The following RAPGEF6 variants were observed in gnomAD, a reference collection of about 807,000 sequenced individuals.
RAPGEF6 encodes Rap guanine nucleotide exchange factor 6, also known as PDZ domain containing guanine nucleotide exchange factor (GEF) 2.
A neutral mutation model predicts 171.4 loss-of-function variants in RAPGEF6; 56 were observed. The observed-to-expected ratio is 0.33, with a 90% CI of 0.26 to 0.41. The LOEUF (loss-of-function observed/expected upper bound fraction) is 0.41. RAPGEF6 is among the 10% of genes least tolerant of loss of function. RAPGEF6 has a pLI of 1.00. For synonymous variants in RAPGEF6, 692 were observed against 650.1 expected, an observed-to-expected ratio of 1.06 and a Z score of -0.98; for missense variants, 1,674 against 1,921.4, an observed-to-expected ratio of 0.87 and a Z score of 2.41.
chr5:131,442,585 G>T (rs1752456972), intron 22 of RAPGEF6, 48 bp from the exon 23 acceptor site: 2 of 1,596,406 alleles, frequency 1.3e-6, no homozygotes, highest in East Asian at 4.5e-5. Context: ...TTTAGGCAAG[G>T]TTATCACCAC....
At chr5:131,597,802 A>T (rs1273577411) in intron 3 of RAPGEF6, among the ~76,000 whole-genome samples, 2 of 152,184 alleles carry the variant, frequency 1.3e-5, no homozygotes, top group Non-Finnish European at 2.9e-5. Context: ...GCACAGTAGG[A>T]TTATTATGGT....
rs36091456 is a variant in RAPGEF6, at chr5:131,517,780, TACACACACACAC to T, written c.627+3598_627+3609del. Among the ~76,000 whole-genome samples, 253 of 140,476 alleles carry T rather than the reference TACACACACACAC, an allele frequency of 1.8e-3. 1 individual carries two copies. The highest frequency in any genetic ancestry group is 0.011 in the East Asian group (53 of 4,678). 92.2% of individuals were successfully genotyped at this position (140,476 alleles called of 152,430 possible). On this transcript the variant is annotated intron_variant, in intron 7 of 27. Transcript: ENST00000509018. ...ATCTGATTGGAAACATTCGCGCATGTACACACACACACACACACACACACACACACACACACA... is the reference window on the plus strand; with the variant it reads ...ATCTGATTGGAAACATTCGCGCATGTACACACACACACACACACACACACA...
At chr5:131,449,885 A>G in intron 21 of RAPGEF6, 1 of 925,128 alleles carries the variant, frequency 1.1e-6, no homozygotes, top group Non-Finnish European at 1.6e-6. Context: ...TTGTTAGCAG[A>G]AGGCATTTGT....
intron 3 of RAPGEF6, among the ~76,000 whole-genome samples, chr5:131,594,418 C>T (rs980331200): frequency 6.6e-6 from 1 of 152,238 alleles, no homozygotes; most frequent in African/African-American, 2.4e-5. Flanking sequence ...TATGGAAATG[C>T]CTGGATGTCC....
intron 3 of RAPGEF6, among the ~76,000 whole-genome samples, chr5:131,597,673 GAGTAGAACTGTGGTT>G (rs929075382): frequency 3.3e-5 from 5 of 152,104 alleles, no homozygotes; most frequent in Admixed American, 2.6e-4. Context: ...CATAGAAGTG[GAGTAGAACTGTGGTT>G]ACCAGAGACT....
In RAPGEF6 at chr5:131,426,300, A is replaced by G. The variant is rs1751391217; in HGVS notation, c.*966T>C. The G allele has an allele frequency of 6.6e-6, 1 of 152,270 alleles. No individual in the cohort carries two copies. The highest frequency in any genetic ancestry group is 1.5e-5 in the Non-Finnish European group (1 of 68,038). 9.4% of individuals were successfully genotyped at this position (152,270 alleles called of 1,614,324 possible). A position where few individuals can be genotyped will look rare whatever the true frequency, so the allele number is the denominator to read the frequency against. On this transcript the variant is annotated 3_prime_UTR_variant, in exon 28 of 28. Transcript: ENST00000509018. ...CATTATTACAACACCCATGATAAGAATTTCTTTAAAAAAAGTATTCCATAC... is the reference window on the plus strand; with the variant it reads ...CATTATTACAACACCCATGATAAGAGTTTCTTTAAAAAAAGTATTCCATAC...
At chr5:131,634,463 T>C (rs1224503004) in intron 1 of RAPGEF6, among the ~76,000 whole-genome samples, 1 of 152,264 alleles carries the variant, frequency 6.6e-6, no homozygotes, top group Non-Finnish European at 1.5e-5. Flanking sequence ...TCTTTAAACA[T>C]GCATCATCTA....
intron 13 of RAPGEF6, among the ~76,000 whole-genome samples, chr5:131,493,679 T>C (rs1321153636): frequency 6.6e-6 from 1 of 152,204 alleles, no homozygotes; most frequent in Non-Finnish European, 1.5e-5. Context: ...GCTAAAGTTT[T>C]TTTTTTTTAA....
At position 131,472,764 on chromosome 5, in the gene RAPGEF6, A is replaced by G. The variant is rs1372345209; in HGVS notation, c.2082-20T>C. 1.3e-6 allele frequency: 2 copies of G among 1,591,344 alleles called. No individual in the cohort carries two copies. The highest frequency in any genetic ancestry group is 1.7e-6 in the Non-Finnish European group (2 of 1,159,586). ...CCATCACTTCAAAAGAATGTCATAT[A>G]TCACTTTAAAGTATTTGAGAGTACT... On this transcript the variant is annotated intron_variant, in intron 16 of 27. Transcript: ENST00000509018.
intron 27 of RAPGEF6, 100 bp downstream of exon 27, chr5:131,428,802 T>A: frequency 7.8e-7 from 1 of 1,283,728 alleles, no homozygotes; most frequent in Non-Finnish European, 1.1e-6. Flanking sequence ...TCAAGGCATT[T>A]AAAGAAACAA....
chr5:131,431,399 T>G (rs930158455), intron 25 of RAPGEF6, 50 bp from the exon 26 acceptor site: 1 of 1,526,848 alleles, frequency 6.5e-7, no homozygotes. Flanking sequence ...AAAAACTATC[T>G]TCTCTCTGTT....
intron 5 of RAPGEF6, among the ~76,000 whole-genome samples, chr5:131,549,681 T>TA (rs963680900): frequency 7.1e-4 from 104 of 146,168 alleles, no homozygotes; most frequent in East Asian, 5.3e-3. Context: ...CCCTGTCTCT[T>TA]AAAAAAAAAA....
intron 1 of RAPGEF6, among the ~76,000 whole-genome samples, chr5:131,615,134 T>A (rs898288291): frequency 6.6e-6 from 1 of 152,240 alleles, no homozygotes; most frequent in African/African-American, 2.4e-5. Flanking sequence ...AAGTGGGATC[T>A]ATGTCACTCT....
chr5:131,437,428 C>T (rs1253712260), intron 24 of RAPGEF6, among the ~76,000 whole-genome samples: 1 of 152,188 alleles, frequency 6.6e-6, no homozygotes, highest in Non-Finnish European at 1.5e-5. Flanking sequence ...GACCACTGAG[C>T]AGCCTCTAAC....
At chr5:131,543,289 A>G (rs1760276921) in intron 6 of RAPGEF6, among the ~76,000 whole-genome samples, 4 of 152,202 alleles carry the variant, frequency 2.6e-5, no homozygotes, top group African/African-American at 7.2e-5. Context: ...GAGAAGATAA[A>G]AAATTTTAAA....
intron 15 of RAPGEF6, among the ~76,000 whole-genome samples, chr5:131,488,764 A>G (rs1756092608): frequency 6.6e-6 from 1 of 152,208 alleles, no homozygotes; most frequent in Non-Finnish European, 1.5e-5. Context: ...CTCAAATTGT[A>G]ACCTAAAAAA....
At chr5:131,615,070 A>C (rs1765180828) in intron 1 of RAPGEF6, among the ~76,000 whole-genome samples, 1 of 152,210 alleles carries the variant, frequency 6.6e-6, no homozygotes, top group Non-Finnish European at 1.5e-5. Context: ...CTGTGATTTA[A>C]TAGGTCCTAC....
intron 3 of RAPGEF6, among the ~76,000 whole-genome samples, chr5:131,602,041 A>AG (rs1174580602): frequency 6.6e-6 from 1 of 151,852 alleles, no homozygotes; most frequent in Non-Finnish European, 1.5e-5. Flanking sequence ...TCTCAAAAAA[A>AG]AAAAAAAAAA....
At chr5:131,553,278 AC>A (rs1280128410) in intron 5 of RAPGEF6, among the ~76,000 whole-genome samples, 1 of 152,246 alleles carries the variant, frequency 6.6e-6, no homozygotes, top group Non-Finnish European at 1.5e-5. Context: ...CCACTGGTGC[AC>A]CATAACAGCA....
Sources: allele counts gnomAD v4.1 joint callset (sites outside exome capture counted in the v4.1 genomes callset), GRCh38; gene constraint gnomAD v4.1.1; transcripts MANE v1.5; gene names NCBI Gene and HGNC (gene_info 2026-07-23, HGNC 2026-07-21).